SHISA9: variants seen among roughly 807,000 people sequenced by gnomAD.
SHISA9 encodes shisa family member 9, also known as protein shisa-9.
Under a neutral mutation model 38.0 loss-of-function variants are expected in SHISA9, and 13 were observed. The observed-to-expected ratio is 0.34, with a 90% CI of 0.22 to 0.54. The LOEUF is 0.54. Among genes scored for constraint, SHISA9 ranks in the 20% least tolerant of loss-of-function variants. The pLI is 0.91. For missense variants in SHISA9, 538 were observed against 575.8 expected, an observed-to-expected ratio of 0.93 and a Z score of 0.67; for synonymous variants, 275 against 242.0, an observed-to-expected ratio of 1.14 and a Z score of -1.27.
At chr16:12,956,562 T>C (rs550239661) in intron 2 of SHISA9, among the ~76,000 whole-genome samples, 10 of 152,336 alleles carry the variant, frequency 6.6e-5, no homozygotes, top group Admixed American at 6.5e-4. Context: ...AATGAAATCA[T>C]GTCCTTTGCA....
chr16:13,050,395 G>C (rs2073237219), intron 2 of SHISA9, among the ~76,000 whole-genome samples: 1 of 152,114 alleles, frequency 6.6e-6, no homozygotes, highest in Non-Finnish European at 1.5e-5. Flanking sequence ...GCTGTGGTGT[G>C]ATCTTGGCTC....
At position 13,235,514 on chromosome 16, in the gene SHISA9, A is replaced by G; in HGVS notation, c.*105A>G. On this transcript the variant is annotated 3_prime_UTR_variant, in exon 5 of 5. Coordinates refer to ENST00000558583, the MANE Select transcript of SHISA9 (RefSeq NM_001145204.3). ...CCTCCCCTAATACATGCGTCCACAC[A>G]CTCACTCTCAACAAGAACCAACTCT... The G allele has an allele frequency of 1.5e-6, 2 of 1,326,710 alleles. No individual in the cohort carries two copies. Among genetic ancestry groups the G allele is most frequent in the South Asian group, 3.1e-5 (2 of 65,054 alleles). 82.2% of individuals were successfully genotyped at this position (1,326,710 alleles called of 1,614,324 possible).
At chr16:13,097,896 G>A (rs1405206356) in intron 2 of SHISA9, among the ~76,000 whole-genome samples, 1 of 152,204 alleles carries the variant, frequency 6.6e-6, no homozygotes, top group East Asian at 1.9e-4. Context: ...GTGATTCTGA[G>A]TTAGAGCAAA....
the SHISA9 span, among the ~76,000 whole-genome samples, chr16:13,250,440 A>T: frequency 6.6e-6 from 1 of 152,186 alleles, no homozygotes; most frequent in African/African-American, 2.4e-5. Flanking sequence ...TAAGAGCATT[A>T]GGATAGGAGC....
At chr16:13,073,482 G>T (rs1427929780) in intron 2 of SHISA9, among the ~76,000 whole-genome samples, 1 of 152,158 alleles carries the variant, frequency 6.6e-6, no homozygotes, top group African/African-American at 2.4e-5. Context: ...ATCATCAGCA[G>T]CAGCATCACC....
intron 2 of SHISA9, among the ~76,000 whole-genome samples, chr16:13,061,173 G>C (rs2073370812): frequency 6.6e-6 from 1 of 152,144 alleles, no homozygotes; most frequent in Admixed American, 6.5e-5. Flanking sequence ...CCTCCACACG[G>C]GGCCTGATAC....
At chr16:13,273,563 C>T in the SHISA9 span, among the ~76,000 whole-genome samples, 1 of 152,138 alleles carries the variant, frequency 6.6e-6, no homozygotes, top group Non-Finnish European at 1.5e-5. Flanking sequence ...TGAGGCCTCC[C>T]CAGTCACATG....
intron 2 of SHISA9, among the ~76,000 whole-genome samples, chr16:13,137,794 T>G (rs913183745): frequency 6.6e-6 from 1 of 152,158 alleles, no homozygotes; most frequent in African/African-American, 2.4e-5. Context: ...CCTCATTTCT[T>G]TGATCATGCA....
downstream of SHISA9, among the ~76,000 whole-genome samples, chr16:13,240,816 A>G (rs1007260930): frequency 1.3e-5 from 2 of 152,184 alleles, no homozygotes; most frequent in Non-Finnish European, 2.9e-5. Flanking sequence ...CCTATTTATT[A>G]AATTTTATTT....
chr16:12,970,493 ATATATTTTTTTTTTTTTTTTTT>A (rs1428344681), intron 2 of SHISA9, among the ~76,000 whole-genome samples: 1 of 30,382 alleles, frequency 3.3e-5, no homozygotes, highest in African/African-American at 1.3e-4. Flanking sequence ...ATATATATAT[ATATATTTTTTTTTTTTTTTTTT>A]TTTTTTTTTT....
intron 2 of SHISA9, among the ~76,000 whole-genome samples, chr16:12,964,735 A>C (rs1242697788): frequency 2.6e-5 from 4 of 152,176 alleles, no homozygotes; most frequent in Non-Finnish European, 5.9e-5. Context: ...CAGGGAATGT[A>C]GGGAATTCCT....
chr16:13,447,738 C>G, the SHISA9 span, among the ~76,000 whole-genome samples: 2 of 152,244 alleles, frequency 1.3e-5, no homozygotes, highest in African/African-American at 4.8e-5. Context: ...AACTCGCCAG[C>G]TGCATACTGC....
the SHISA9 span, among the ~76,000 whole-genome samples, chr16:13,396,890 G>A: frequency 6.6e-6 from 1 of 152,008 alleles, no homozygotes; most frequent in Non-Finnish European, 1.5e-5. Context: ...AATTACAGCT[G>A]ACCCTTGAAC....
At chr16:13,146,436 A>T (rs1461020158) in intron 2 of SHISA9, among the ~76,000 whole-genome samples, 2 of 152,082 alleles carry the variant, frequency 1.3e-5, no homozygotes, top group African/African-American at 4.8e-5. Context: ...AGTGATTTTG[A>T]TACAGGCATG....
the SHISA9 span, among the ~76,000 whole-genome samples, chr16:13,411,534 C>T: frequency 6.6e-6 from 1 of 152,208 alleles, no homozygotes; most frequent in East Asian, 1.9e-4. Context: ...GCCGGGAGGG[C>T]CTGTCTGCTG....
the SHISA9 span, among the ~76,000 whole-genome samples, chr16:13,479,013 T>C: frequency 6.6e-6 from 1 of 152,220 alleles, no homozygotes; most frequent in Non-Finnish European, 1.5e-5. Flanking sequence ...CTGTGTCTGT[T>C]TAGAAGTTCT....
intron 2 of SHISA9, among the ~76,000 whole-genome samples, chr16:12,928,944 T>C (rs866122210): frequency 2.0e-4 from 31 of 152,356 alleles, no homozygotes; most frequent in Middle Eastern, 6.8e-3. Flanking sequence ...TAGAAGTGGC[T>C]AATTTCAGAT....
the SHISA9 span, among the ~76,000 whole-genome samples, chr16:13,359,970 C>T: frequency 6.6e-6 from 1 of 152,278 alleles, no homozygotes; most frequent in East Asian, 1.9e-4. Flanking sequence ...TCTGTGCATG[C>T]CCCACTTGCA....
At chr16:13,273,885 C>T in the SHISA9 span, among the ~76,000 whole-genome samples, 141 of 152,228 alleles carry the variant, frequency 9.3e-4, no homozygotes, top group Non-Finnish European at 1.4e-3. Flanking sequence ...TATCTGGAAT[C>T]GGAAATCACT....
Sources: gnomAD v4.1 joint callset for allele counts (sites outside exome capture counted in the v4.1 genomes callset) on GRCh38, gnomAD v4.1.1 for gene constraint, MANE v1.5 for transcripts, NCBI Gene and HGNC (gene_info 2026-07-23, HGNC 2026-07-21) for gene names.